Variants in TDRD10 observed in about 807,000 individuals in gnomAD.
TDRD10 encodes tudor domain containing 10, also known as tudor domain-containing protein 10.
TDRD10 carries 40 observed loss-of-function variants against 48.0 expected under a neutral mutation model. The observed-to-expected ratio is 0.83, with a 90% CI of 0.65 to 1.09. The LOEUF (loss-of-function observed/expected upper bound fraction) is 1.09. Among genes scored for constraint, TDRD10 ranks in the 50% least tolerant of loss-of-function variants. The probability of loss-of-function intolerance (pLI) is 0.00; values close to 1 mark genes in which losing one functional copy is unlikely to be tolerated. For synonymous variants in TDRD10, 162 were observed against 170.4 expected, an observed-to-expected ratio of 0.95 and a Z score of 0.38; for missense variants, 378 against 434.7, an observed-to-expected ratio of 0.87 and a Z score of 1.16.
intron 6 of TDRD10, among the ~76,000 whole-genome samples, chr1:154,523,178 T>C (rs1490967035): frequency 6.6e-6 from 1 of 152,194 alleles, no homozygotes; most frequent in Non-Finnish European, 1.5e-5. Context: ...AGTGCTGGGA[T>C]TACAGGCATG....
At chr1:154,524,479 A>G (rs992381426) in intron 6 of TDRD10, among the ~76,000 whole-genome samples, 4 of 151,994 alleles carry the variant, frequency 2.6e-5, no homozygotes, top group African/African-American at 9.7e-5. Flanking sequence ...GCCTATAGTA[A>G]TTTTTTATTG....
chr1:154,540,468 C>T (rs1382674663), intron 6 of TDRD10, among the ~76,000 whole-genome samples: 5 of 125,700 alleles, frequency 4.0e-5, no homozygotes, highest in Non-Finnish European at 7.8e-5. Context: ...CCCAGGAGTT[C>T]AAGACCAGCC....
At chr1:154,512,980 G>A (rs1693563636) in intron 4 of TDRD10, among the ~76,000 whole-genome samples, 1 of 152,192 alleles carries the variant, frequency 6.6e-6, no homozygotes, top group African/African-American at 2.4e-5. Flanking sequence ...TAGCCTAGTG[G>A]CCGGGAGAGA....
intron 1 of TDRD10, among the ~76,000 whole-genome samples, chr1:154,503,577 G>T (rs1000551432): frequency 2.0e-5 from 3 of 152,190 alleles, no homozygotes; most frequent in African/African-American, 7.2e-5. Context: ...GACAGAGCGA[G>T]ACTCCGTCTC....
In TDRD10 at chr1:154,516,946, CA is replaced by C. The variant is rs201934233; in HGVS notation, c.142-3349del. 3.6e-3 allele frequency among the ~76,000 whole-genome samples: 534 copies of C among 150,046 alleles called. 4 individuals are homozygous for C. The highest frequency in any genetic ancestry group is 0.012 in the African/African-American group (502 of 40,878). ...TGAGCAACAGAGCCAGACCCTGACT[CA>C]AAAAAAAAGGCACAGCAAGGACATT... On this transcript the variant is annotated intron_variant, in intron 4 of 12. Transcript: ENST00000368482.
intron 6 of TDRD10, among the ~76,000 whole-genome samples, chr1:154,526,799 A>C (rs1694340327): frequency 6.6e-6 from 1 of 151,718 alleles, no homozygotes; most frequent in Non-Finnish European, 1.5e-5. Flanking sequence ...CATGTTGGCC[A>C]GGCTGGTCTG....
intron 4 of TDRD10, among the ~76,000 whole-genome samples, chr1:154,512,077 G>A (rs903634705): frequency 2.3e-4 from 35 of 151,760 alleles, no homozygotes; most frequent in Non-Finnish European, 4.6e-4. Context: ...ACAAGATTGT[G>A]CAGCTATTAA....
intron 8 of TDRD10, 88 bp downstream of exon 8, chr1:154,542,909 G>T: frequency 1.8e-6 from 2 of 1,114,940 alleles, no homozygotes; most frequent in East Asian, 2.5e-5. Context: ...GATAGTACTG[G>T]GGTGGGGGAT....
At chr1:154,526,826 G>C (rs1694341097) in intron 6 of TDRD10, among the ~76,000 whole-genome samples, 1 of 151,358 alleles carries the variant, frequency 6.6e-6, no homozygotes, top group African/African-American at 2.4e-5. Flanking sequence ...CTGACCTCAA[G>C]TAATTACCCA....
At chr1:154,535,733 T>C (rs1054126140) in intron 6 of TDRD10, among the ~76,000 whole-genome samples, 1 of 152,148 alleles carries the variant, frequency 6.6e-6, no homozygotes, top group African/African-American at 2.4e-5. Flanking sequence ...TCAAAAAATG[T>C]GTGCCCCATG....
At chr1:154,512,304 G>A (rs1294415036) in intron 4 of TDRD10, among the ~76,000 whole-genome samples, 2 of 152,092 alleles carry the variant, frequency 1.3e-5, no homozygotes, top group South Asian at 2.1e-4. Flanking sequence ...ATTTGTGTTA[G>A]AGTGTGTCTT....
At chr1:154,542,428 G>C (rs1236599122) in intron 7 of TDRD10, among the ~76,000 whole-genome samples, 1 of 152,172 alleles carries the variant, frequency 6.6e-6, no homozygotes, top group Non-Finnish European at 1.5e-5. Context: ...GAGTCTTGCT[G>C]TGTTGCCTAG....
Position 154,547,669 on chromosome 1 carries a change from C to T in TDRD10, c.1024-9C>T. 1.2e-6 allele frequency: 2 copies of T among 1,614,136 alleles called. No individual in the cohort carries two copies. The highest frequency in any genetic ancestry group is 2.7e-5 in the African/African-American group (2 of 75,040). On this transcript the variant is annotated splice_polypyrimidine_tract_variant and intron_variant, in intron 12 of 12. Transcript: ENST00000368482. ...TCCTTCCCACCAAGGCTTTGTCTTT[C>T]TCTTCCAGTTGCACATCCTAAAGTT...
At chr1:154,514,633 C>T (rs1693654361) in intron 4 of TDRD10, among the ~76,000 whole-genome samples, 1 of 152,134 alleles carries the variant, frequency 6.6e-6, no homozygotes, top group Non-Finnish European at 1.5e-5. Flanking sequence ...CCCGGCCAAC[C>T]CACTGCTGTC....
In TDRD10 at chr1:154,547,696, GAAGAGTCTA is replaced by G; in HGVS notation, c.1045_1053del (p.Glu349_Lys351del). 6 of 1,613,960 alleles carry G rather than the reference GAAGAGTCTA, an allele frequency of 3.7e-6. No homozygotes were observed. Among genetic ancestry groups the G allele is most frequent in the Non-Finnish European group, 5.1e-6 (6 of 1,179,916 alleles). ...CTTCCAGTTGCACATCCTAAAGTTT[GAAGAGTCTA>G]AATAACGGGGCTTCCCTCAGCATGT... is the stretch of plus-strand genomic sequence containing the variant. On this transcript the variant is annotated inframe_deletion, in exon 13 of 13. Transcript: ENST00000368482.
At chr1:154,503,054 C>A (rs1239586401) in intron 1 of TDRD10, 25 bp downstream of exon 1, 3 of 144,734 alleles carry the variant, frequency 2.1e-5, no homozygotes, top group Non-Finnish European at 4.6e-5. Flanking sequence ...CCCCAGGTCC[C>A]GGGATGCCAG....
chr1:154,540,153 T>C (rs1695142962), intron 6 of TDRD10, among the ~76,000 whole-genome samples: 1 of 152,210 alleles, frequency 6.6e-6, no homozygotes, highest in African/African-American at 2.4e-5. Flanking sequence ...AAGATCACAG[T>C]CCTCAGGTGA....
intron 2 of TDRD10, 26 bp from the exon 3 acceptor site, chr1:154,507,215 T>C (rs759948700): frequency 7.4e-6 from 12 of 1,613,632 alleles, no homozygotes; most frequent in Middle Eastern, 1.7e-4. Flanking sequence ...CTTGGGAGGT[T>C]CGATGCTGAC....
intron 8 of TDRD10, 37 bp downstream of exon 8, chr1:154,542,858 C>T (rs754542605): frequency 2.0e-6 from 3 of 1,533,140 alleles, no homozygotes; most frequent in East Asian, 2.3e-5. Flanking sequence ...GGGCAAATGG[C>T]GATTACAGAC....
Sources: gnomAD v4.1 joint callset for allele counts (sites outside exome capture counted in the v4.1 genomes callset) on GRCh38, gnomAD v4.1.1 for gene constraint, MANE v1.5 for transcripts, NCBI Gene and HGNC (gene_info 2026-07-23, HGNC 2026-07-21) for gene names.